RIMS2: variants seen among roughly 807,000 people sequenced by gnomAD.
RIMS2 encodes regulating synaptic membrane exocytosis 2.
In RIMS2, 59 loss-of-function variants were observed where a neutral mutation model predicts 174.4. The ratio of observed to expected loss-of-function variants is 0.34; its 90% CI spans 0.27 to 0.42. The LOEUF (loss-of-function observed/expected upper bound fraction) is 0.42. Ranked by LOEUF, RIMS2 falls within the 10% of genes least tolerant of loss-of-function variation. RIMS2 has a pLI of 1.00. For missense variants in RIMS2, 1,620 were observed against 1,666.3 expected, an observed-to-expected ratio of 0.97 and a Z score of 0.48; for synonymous variants, 606 against 572.5, an observed-to-expected ratio of 1.06 and a Z score of -0.84.
At chr8:103,715,867 T>C (rs1318850535) in intron 2 of RIMS2, among the ~76,000 whole-genome samples, 1 of 152,152 alleles carries the variant, frequency 6.6e-6, no homozygotes, top group Non-Finnish European at 1.5e-5. Flanking sequence ...CTACTTTTGA[T>C]AGTATATGAT....
chr8:104,140,363 G>T (rs1191954868), intron 19 of RIMS2, among the ~76,000 whole-genome samples: 1 of 151,894 alleles, frequency 6.6e-6, no homozygotes, highest in Non-Finnish European at 1.5e-5. Context: ...ATAACACTGG[G>T]TTTATTCCCT....
Position 103,975,431 on chromosome 8 carries a change from C to T in RIMS2, c.2852C>T (p.Pro951Leu), listed in dbSNP as rs1327959172. The T allele has an allele frequency of 8.7e-6, 14 of 1,611,764 alleles. No homozygotes were observed. The Admixed American group carries it at 2.3e-4, about 27-fold the overall frequency. The stretch of plus-strand genomic sequence containing the variant: ...GTAATGTCATCAAACCACTGTTCAC[C>T]ATCAGGGTCTCCTCATCGAGTAGAT... The change falls in exon 16 of 24, where the codon CCA becomes CTA. Residue 951 changes from proline to leucine, a missense_variant. By Grantham distance (98) the Pro-to-Leu change is moderately conservative. Coordinates refer to ENST00000504942, the Ensembl canonical transcript of RIMS2.
At position 103,927,828 on chromosome 8, in the gene RIMS2, A is replaced by G. The variant is rs773673360; in HGVS notation, c.2197-14A>G. On this transcript the variant is annotated splice_polypyrimidine_tract_variant and intron_variant, in intron 10 of 23. Coordinates refer to ENST00000504942, the Ensembl canonical transcript of RIMS2. ...TTTTGTTTTATTGCTTTTTTCTTTA[A>G]TTTTGCTTACCAGAGCCAAAGCCTT... 1.5e-5 allele frequency: 24 copies of G among 1,599,246 alleles called. No homozygotes were observed. In the East Asian group the frequency reaches 5.2e-4, roughly 34 times the overall value.
downstream of RIMS2, chr8:104,252,179 A>C: frequency 4.0e-6 from 1 of 249,428 alleles, no homozygotes; most frequent in Non-Finnish European, 7.8e-6. Flanking sequence ...CATTTATCTA[A>C]CCCCAAAGCC....
chr8:103,652,179 T>G, intron 1 of RIMS2, 26 bp from the exon 2 acceptor site: 5 of 1,305,394 alleles, frequency 3.8e-6, no homozygotes, highest in Non-Finnish European at 5.1e-6. Context: ...TACAGTGCAC[T>G]CAGTTGTGCA....
chr8:103,547,040 G>C (rs1845452299), intron 1 of RIMS2, among the ~76,000 whole-genome samples: 1 of 152,126 alleles, frequency 6.6e-6, no homozygotes, highest in Admixed American at 6.6e-5. Flanking sequence ...CCCATGGAAA[G>C]TGTTCACAGA....
At chr8:104,111,390 G>C (rs923403025) in intron 19 of RIMS2, among the ~76,000 whole-genome samples, 2 of 152,068 alleles carry the variant, frequency 1.3e-5, no homozygotes, top group African/African-American at 4.8e-5. Flanking sequence ...GAATTGACAA[G>C]TGGCTCATTT....
At chr8:103,663,062 AG>A (rs1290946739) in intron 1 of RIMS2, among the ~76,000 whole-genome samples, 5 of 151,948 alleles carry the variant, frequency 3.3e-5, no homozygotes, top group Non-Finnish European at 7.4e-5. Flanking sequence ...CCAGCTACTC[AG>A]GGGGCTGAGG....
chr8:104,018,231 T>C (rs929393780), intron 19 of RIMS2, among the ~76,000 whole-genome samples: 1 of 152,156 alleles, frequency 6.6e-6, no homozygotes, highest in Non-Finnish European at 1.5e-5. Context: ...AAACTGAGCA[T>C]GTGGAAGAGC....
intron 3 of RIMS2, among the ~76,000 whole-genome samples, chr8:103,852,699 C>T (rs2099005936): frequency 6.6e-6 from 1 of 151,924 alleles, no homozygotes; most frequent in South Asian, 2.1e-4. Context: ...AGGATTATGG[C>T]CTCCAGCTTT....
At chr8:103,712,928 T>C (rs2097324765) in intron 2 of RIMS2, among the ~76,000 whole-genome samples, 1 of 152,244 alleles carries the variant, frequency 6.6e-6, no homozygotes, top group Non-Finnish European at 1.5e-5. Context: ...AAAAGTGTAG[T>C]AATAATCCTT....
chr8:103,864,227 G>T (rs2099074090), intron 3 of RIMS2, among the ~76,000 whole-genome samples: 1 of 151,764 alleles, frequency 6.6e-6, no homozygotes, highest in South Asian at 2.1e-4. Context: ...TTTGGATTTG[G>T]TTTATTCTTG....
intron 3 of RIMS2, among the ~76,000 whole-genome samples, chr8:103,875,958 T>C (rs1186014877): frequency 6.6e-6 from 1 of 152,004 alleles, no homozygotes; most frequent in Non-Finnish European, 1.5e-5. Flanking sequence ...GTGGGATTAT[T>C]TGGGTTTTTT....
At chr8:103,789,541 A>G (rs1285517452) in intron 3 of RIMS2, among the ~76,000 whole-genome samples, 2 of 152,112 alleles carry the variant, frequency 1.3e-5, no homozygotes, top group East Asian at 1.9e-4. Context: ...GTGATATCTC[A>G]TCATATTCAC....
At chr8:104,014,893 A>G (rs937959351) in intron 19 of RIMS2, among the ~76,000 whole-genome samples, 8 of 152,162 alleles carry the variant, frequency 5.3e-5, no homozygotes, top group African/African-American at 1.9e-4. Flanking sequence ...GTTGTTGGAT[A>G]ATATTTCTTT....
chr8:103,791,260 C>T (rs1305418356), intron 3 of RIMS2, among the ~76,000 whole-genome samples: 1 of 152,080 alleles, frequency 6.6e-6, no homozygotes, highest in South Asian at 2.1e-4. Context: ...GAATAGGGGC[C>T]AATATTCAAC....
intron 1 of RIMS2, among the ~76,000 whole-genome samples, chr8:103,646,003 A>C (rs11787083): frequency 0.12 from 17,618 of 151,954 alleles, 1,366 homozygotes; most frequent in Non-Finnish European, 0.17. Flanking sequence ...TTGGGTAGGT[A>C]AAGGAAAATT....
At chr8:103,986,104 A>G (rs2094340961) in intron 16 of RIMS2, among the ~76,000 whole-genome samples, 1 of 152,236 alleles carries the variant, frequency 6.6e-6, no homozygotes, top group Non-Finnish European at 1.5e-5. Flanking sequence ...CTCACACAAA[A>G]GAATAAATAT....
At chr8:104,231,573 G>A (rs996273616) in intron 19 of RIMS2, among the ~76,000 whole-genome samples, 2 of 152,158 alleles carry the variant, frequency 1.3e-5, no homozygotes, top group African/African-American at 4.8e-5. Context: ...TGTAGACAGA[G>A]GAAAAACTGT....
Sources: gnomAD v4.1 joint callset for allele counts (sites outside exome capture counted in the v4.1 genomes callset) on GRCh38, gnomAD v4.1.1 for gene constraint, MANE v1.5 for transcripts, NCBI Gene and HGNC (gene_info 2026-07-23, HGNC 2026-07-21) for gene names.